OTUD7A: variants seen among roughly 807,000 people sequenced by gnomAD.
The protein encoded by OTUD7A is OTU domain-containing protein 7A.
A neutral mutation model predicts 65.7 loss-of-function variants in OTUD7A; 12 were observed. The observed-to-expected ratio is 0.18, with a 90% CI of 0.12 to 0.30. The LOEUF is 0.30. Ranked by LOEUF, OTUD7A falls within the 10% of genes least tolerant of loss-of-function variation. The probability of loss-of-function intolerance (pLI) is 1.00; values close to 1 mark genes in which losing one functional copy is unlikely to be tolerated. For missense variants in OTUD7A, 1,148 were observed against 1,304.8 expected (o/e 0.88, Z 1.85); for synonymous variants, 641 against 586.3 (o/e 1.09, Z -1.35).
At chr15:31,553,547 G>A (rs1460007276) in intron 5 of OTUD7A, among the ~76,000 whole-genome samples, 2 of 151,966 alleles carry the variant, frequency 1.3e-5, no homozygotes, top group Non-Finnish European at 2.9e-5. Context: ...CTACAGTCTC[G>A]GGCTTTGCCT....
intron 6 of OTUD7A, 41 bp from the exon 7 acceptor site, chr15:31,527,349 CAT>C: frequency 1.9e-6 from 3 of 1,605,068 alleles, no homozygotes; most frequent in Admixed American, 1.7e-5. Context: ...AGAGAAAGGA[CAT>C]GAGAAAAGAC....
chr15:31,835,626 AAT>A (rs1173420828), intron 1 of OTUD7A, among the ~76,000 whole-genome samples: 9 of 152,202 alleles, frequency 5.9e-5, no homozygotes, highest in African/African-American at 1.9e-4. Context: ...TTTGGACCTA[AAT>A]ATAGATATTT....
Position 31,635,568 on chromosome 15 carries a change from G to T in OTUD7A, c.151+19528C>A, listed in dbSNP as rs563908113. On this transcript the variant is annotated intron_variant, in intron 3 of 12. Coordinates refer to ENST00000307050, the MANE Select transcript of OTUD7A (RefSeq NM_001382637.1). ...ATGGCACCTGGTGCTTCCAGGGAGG[G>T]TGTATGAAGGCGCTAACTCCAACCT... Among the ~76,000 whole-genome samples, 6 of 152,308 alleles carry T rather than the reference G, an allele frequency of 3.9e-5. No individual in the cohort carries two copies. In the South Asian group the frequency reaches 1.0e-3, roughly 26 times the overall value.
chr15:31,790,999 C>T (rs1895799105), intron 1 of OTUD7A, among the ~76,000 whole-genome samples: 2 of 152,090 alleles, frequency 1.3e-5, no homozygotes, highest in African/African-American at 4.8e-5. Context: ...TAGTCCTGAC[C>T]TACAACTAAT....
At chr15:31,589,635 G>T (rs1889660024) in intron 3 of OTUD7A, among the ~76,000 whole-genome samples, 1 of 151,818 alleles carries the variant, frequency 6.6e-6, no homozygotes, top group Non-Finnish European at 1.5e-5. Flanking sequence ...TTTTTTCAAT[G>T]AATTTATACT....
At chr15:31,578,144 T>G (rs1265390333) in intron 3 of OTUD7A, among the ~76,000 whole-genome samples, 1 of 152,046 alleles carries the variant, frequency 6.6e-6, no homozygotes, top group South Asian at 2.1e-4. Context: ...CAGGCCAAGG[T>G]GGGAAGTAGG....
At chr15:31,552,261 T>A (rs1328587855) in intron 5 of OTUD7A, among the ~76,000 whole-genome samples, 1 of 152,174 alleles carries the variant, frequency 6.6e-6, no homozygotes, top group Admixed American at 6.5e-5. Flanking sequence ...GTGAGCCAAA[T>A]AAGCCTCTTT....
intron 8 of OTUD7A, among the ~76,000 whole-genome samples, chr15:31,506,441 AT>A (rs961379750): frequency 8.6e-5 from 13 of 150,708 alleles, no homozygotes; most frequent in Admixed American, 6.6e-5. Context: ...TTTATTTGAA[AT>A]TTTTTTTACA....
intron 1 of OTUD7A, among the ~76,000 whole-genome samples, chr15:31,667,785 T>C (rs1394912867): frequency 6.6e-6 from 1 of 152,158 alleles, no homozygotes; most frequent in African/African-American, 2.4e-5. Flanking sequence ...TTTTGATATG[T>C]TTCTAGGATT....
chr15:31,847,001 C>T (rs1422772640), intron 1 of OTUD7A, among the ~76,000 whole-genome samples: 1 of 152,134 alleles, frequency 6.6e-6, no homozygotes, highest in Non-Finnish European at 1.5e-5. Flanking sequence ...CTTGTTGTTC[C>T]CTGCTAGGCA....
At position 31,698,349 on chromosome 15, in the gene OTUD7A, C is replaced by A. The variant is rs181856983; in HGVS notation, c.-99-41272G>T. ...CTGCAAAGAGACCGGCAAGAGGGGT[C>A]CCAGAGAGTCATCCCTCCACCCCAG... On this transcript the variant is annotated intron_variant, in intron 1 of 12. Transcript: ENST00000307050. Among the ~76,000 whole-genome samples the A allele has an allele frequency of 4.9e-3, 744 of 152,260 alleles. 12 individuals are homozygous for A. The highest frequency in any genetic ancestry group is 0.02 in the South Asian group (94 of 4,812).
At chr15:31,626,002 C>G (rs1380497692) in intron 3 of OTUD7A, among the ~76,000 whole-genome samples, 3 of 150,878 alleles carry the variant, frequency 2.0e-5, no homozygotes, top group Non-Finnish European at 2.9e-5. Context: ...AAATTGAGAA[C>G]AATGGTTGCT....
chr15:31,693,926 A>G (rs2141320462), intron 1 of OTUD7A, among the ~76,000 whole-genome samples: 1 of 152,352 alleles, frequency 6.6e-6, no homozygotes, highest in South Asian at 2.1e-4. Context: ...TGAAGATGAA[A>G]AGGGACCTCT....
At chr15:31,582,978 G>A (rs1346297387) in intron 3 of OTUD7A, among the ~76,000 whole-genome samples, 1 of 152,226 alleles carries the variant, frequency 6.6e-6, no homozygotes, top group East Asian at 1.9e-4. Context: ...AAAGAAGGAA[G>A]TTGCATGTAC....
chr15:31,644,717 G>C (rs62004133), intron 3 of OTUD7A, among the ~76,000 whole-genome samples: 27,784 of 152,036 alleles, frequency 0.18, 3,160 homozygotes, highest in Middle Eastern at 0.32. Flanking sequence ...GTCCTCAAGC[G>C]ATCCTCCTGG....
chr15:31,640,838 ATGTG>A (rs926784728), intron 3 of OTUD7A, among the ~76,000 whole-genome samples: 5 of 151,850 alleles, frequency 3.3e-5, no homozygotes, highest in Admixed American at 6.6e-5. Flanking sequence ...CTTTGTGCAT[ATGTG>A]TGTGTATGTG....
intron 1 of OTUD7A, among the ~76,000 whole-genome samples, chr15:31,825,453 G>A (rs1447415085): frequency 6.6e-6 from 1 of 152,126 alleles, no homozygotes; most frequent in Non-Finnish European, 1.5e-5. Context: ...AACAGTATGG[G>A]GGAAACTGCC....
chr15:31,831,042 A>G (rs1249807883), intron 1 of OTUD7A, among the ~76,000 whole-genome samples: 1 of 152,210 alleles, frequency 6.6e-6, no homozygotes, highest in East Asian at 1.9e-4. Context: ...CAAAGGCACC[A>G]CTATAATTCG....
At chr15:31,755,211 G>A (rs748980962) in intron 1 of OTUD7A, among the ~76,000 whole-genome samples, 9 of 151,730 alleles carry the variant, frequency 5.9e-5, no homozygotes, top group Non-Finnish European at 1.0e-4. Context: ...TGGAAGGAGG[G>A]GGAAAGTGAG....
Sources: allele counts gnomAD v4.1 joint callset (sites outside exome capture counted in the v4.1 genomes callset), GRCh38; gene constraint gnomAD v4.1.1; transcripts MANE v1.5; gene names NCBI Gene and HGNC (gene_info 2026-07-23, HGNC 2026-07-21).